STAT4: variants seen among roughly 807,000 people sequenced by gnomAD.
The protein encoded by STAT4 is signal transducer and activator of transcription 4.
A neutral mutation model predicts 110.5 loss-of-function variants in STAT4; 42 were observed. That is an observed-to-expected ratio of 0.38 (90% confidence interval 0.30 to 0.49). The LOEUF (loss-of-function observed/expected upper bound fraction) is 0.49. Ranked by LOEUF, STAT4 falls within the 20% of genes least tolerant of loss-of-function variation. STAT4 has a pLI of 0.95. For synonymous variants in STAT4, 284 were observed against 302.2 expected (o/e 0.94, Z 0.63); for missense variants, 632 against 887.9 (o/e 0.71, Z 3.66).
rs558848361 is a variant in STAT4, at chr2:191,116,615, C to T, written c.273+29998G>A. Among the ~76,000 whole-genome samples, 3 of 152,222 alleles carry T rather than the reference C, an allele frequency of 2.0e-5. No homozygotes were observed. Among genetic ancestry groups the T allele is most frequent in the South Asian group, 2.1e-4 (1 of 4,818 alleles). On this transcript the variant is annotated intron_variant, in intron 3 of 23. Transcript: ENST00000392320. The surrounding 1 kb of genome is among the most constrained non-coding windows in gnomAD (Gnocchi z 4.1). ...AACAGTCCATCCCACTTAACTTTCT[C>T]GGTTAAAGCAGGACACCACTGAAGG...
chr2:191,108,063 G>T (rs13006509), intron 3 of STAT4, among the ~76,000 whole-genome samples: 67,855 of 151,654 alleles, frequency 0.45, 18,546 homozygotes, highest in Non-Finnish European at 0.59. Context: ...GGCCTAGGCA[G>T]GTGGATCACC....
At chr2:191,056,120 A>G (rs1325615566) in intron 13 of STAT4, among the ~76,000 whole-genome samples, 2 of 152,258 alleles carry the variant, frequency 1.3e-5, no homozygotes, top group Non-Finnish European at 2.9e-5. Flanking sequence ...TTTATCTTTT[A>G]GAAACATTTT....
rs746663096 is a variant in STAT4, at chr2:191,076,352, T to C, written c.274-27A>G. The stretch of plus-strand genomic sequence containing the variant: ...TGAAAAAAAAAACAATGAGCAAAAA[T>C]AACTAACGTAAAGCTTAAATATATG... On this transcript the variant is annotated intron_variant, in intron 3 of 23. Transcript: ENST00000392320. The C allele has an allele frequency of 2.6e-6, 4 of 1,527,838 alleles. No individual in the cohort carries two copies. The South Asian group carries it at 3.5e-5, about 13-fold the overall frequency. The allele number at this position is 1,527,838 out of a possible 1,614,324, so 94.6% of individuals were successfully genotyped here. A position where few individuals can be genotyped will look rare whatever the true frequency, so the allele number is the denominator to read the frequency against.
At position 191,073,063 on chromosome 2, in the gene STAT4, C is replaced by G; in HGVS notation, c.465+35G>C. 4 of 1,583,334 alleles carry G rather than the reference C, an allele frequency of 2.5e-6. No individual in the cohort carries two copies. The East Asian group carries it at 9.0e-5, about 35-fold the overall frequency. ...GTGCATAGTTATATGGGGACAGTATCTAGACTTTCTAGGTATCTGTATAAA... is the reference window on the plus strand; with the variant it reads ...GTGCATAGTTATATGGGGACAGTATGTAGACTTTCTAGGTATCTGTATAAA... On this transcript the variant is annotated intron_variant, in intron 5 of 23. Coordinates refer to ENST00000392320, the MANE Select transcript of STAT4 (RefSeq NM_003151.4).
chr2:191,090,661 T>G lies in STAT4; in HGVS notation c.274-14336A>C, dbSNP rs1697769819. Among the ~76,000 whole-genome samples, 1 of 152,042 alleles carries G rather than the reference T, an allele frequency of 6.6e-6. No homozygotes were observed. Among genetic ancestry groups the G allele is most frequent in the Admixed American group, 6.6e-5 (1 of 15,258 alleles). On this transcript the variant is annotated intron_variant, in intron 3 of 23. Transcript: ENST00000392320. This position sits in a 1 kb window ranked among gnomAD's most constrained non-coding sequence, Gnocchi z 4.2. ...CTGCAACCTCTGCCTCCTGAGTTCATGCCATTCTCCTGCCTCAGCCTCCCG... is the reference window on the plus strand; with the variant it reads ...CTGCAACCTCTGCCTCCTGAGTTCAGGCCATTCTCCTGCCTCAGCCTCCCG...
In STAT4 at chr2:191,146,852, T is replaced by C; in HGVS notation, c.129-95A>G. On this transcript the variant is annotated intron_variant, in intron 2 of 23. Coordinates refer to ENST00000392320, the MANE Select transcript of STAT4 (RefSeq NM_003151.4). This position sits in a 1 kb window ranked among gnomAD's most constrained non-coding sequence, Gnocchi z 4.5. ...ACTTTAAAACAATAAACCTATTACATGGTGATAAGCATTTAAAAGTTTTAA... is the reference window on the plus strand; with the variant it reads ...ACTTTAAAACAATAAACCTATTACACGGTGATAAGCATTTAAAAGTTTTAA... The C allele has an allele frequency of 8.3e-7, 1 of 1,211,362 alleles. No individual in the cohort carries two copies. Among genetic ancestry groups the C allele is most frequent in the Non-Finnish European group, 1.1e-6 (1 of 918,812 alleles). The allele number at this position is 1,211,362 out of a possible 1,614,324, so 75.0% of individuals were successfully genotyped here.
At position 191,046,283 on chromosome 2, in the gene STAT4, T is replaced by G. The variant is rs1310048402; in HGVS notation, c.1252-5135A>C. On this transcript the variant is annotated intron_variant, in intron 14 of 23. Coordinates refer to ENST00000392320, the MANE Select transcript of STAT4 (RefSeq NM_003151.4). The surrounding 1 kb of genome is among the most constrained non-coding windows in gnomAD (Gnocchi z 4.6). ...CTAGCCTCCTGCCTTGACATATCCT[T>G]CACATAACCGAATTGGCCAGGTTTT... Among the ~76,000 whole-genome samples, 1 of 152,218 alleles carries G rather than the reference T, an allele frequency of 6.6e-6. No individual in the cohort carries two copies. Among genetic ancestry groups the G allele is most frequent in the Non-Finnish European group, 1.5e-5 (1 of 68,042 alleles).
chr2:191,043,535 T>C lies in STAT4; in HGVS notation c.1252-2387A>G, dbSNP rs1421900723. Among the ~76,000 whole-genome samples, 1 of 152,192 alleles carries C rather than the reference T, an allele frequency of 6.6e-6. No individual in the cohort carries two copies. The highest frequency in any genetic ancestry group is 2.4e-5 in the African/African-American group (1 of 41,460). On this transcript the variant is annotated intron_variant, in intron 14 of 23. Transcript: ENST00000392320. The surrounding 1 kb of genome is among the most constrained non-coding windows in gnomAD (Gnocchi z 4.8). ...AGAAAAGTAGAAGATGCACATTACC[T>C]ATACGTAACAATTCTTGTTGAATCA...
At chr2:191,095,656 A>G (rs886572714) in intron 3 of STAT4, among the ~76,000 whole-genome samples, 18 of 152,228 alleles carry the variant, frequency 1.2e-4, no homozygotes, top group Non-Finnish European at 2.5e-4. Context: ...TCACAAGATA[A>G]AGCAGGAAAG....
chr2:191,110,175 C>G lies in STAT4; in HGVS notation c.274-33850G>C, dbSNP rs570908619. Among the ~76,000 whole-genome samples the G allele has an allele frequency of 2.0e-5, 3 of 152,152 alleles. No individual in the cohort carries two copies. The highest frequency in any genetic ancestry group is 4.4e-5 in the Non-Finnish European group (3 of 68,032). ...ATGGAAACATGACCACAAAACCATTCCTCAGTCTGCACAAACATAGATTTG... is the reference window on the plus strand; with the variant it reads ...ATGGAAACATGACCACAAAACCATTGCTCAGTCTGCACAAACATAGATTTG... On this transcript the variant is annotated intron_variant, in intron 3 of 23. Transcript: ENST00000392320. This position sits in a 1 kb window ranked among gnomAD's most constrained non-coding sequence, Gnocchi z 4.5.
rs532280368 is a variant in STAT4 at position 191,142,216 on chromosome 2, G to T, written c.273+4397C>A. Among the ~76,000 whole-genome samples the T allele has an allele frequency of 6.6e-6, 1 of 151,422 alleles. No homozygotes were observed. Among genetic ancestry groups the T allele is most frequent in the African/African-American group, 2.4e-5 (1 of 41,136 alleles). ...ATGGATAAAGAAAATAAAGAAAATA[G>T]ATATATATATATACACACACACACA... On this transcript the variant is annotated intron_variant, in intron 3 of 23. Transcript: ENST00000392320. The surrounding 1 kb of genome is among the most constrained non-coding windows in gnomAD (Gnocchi z 4.1).
chr2:191,125,778 C>T (rs180739408), intron 3 of STAT4, among the ~76,000 whole-genome samples: 7 of 152,078 alleles, frequency 4.6e-5, no homozygotes, highest in Admixed American at 1.3e-4. Flanking sequence ...GTCACCATGC[C>T]GGGCCTGGAT....
chr2:191,078,633 T>A (rs2125275165), intron 3 of STAT4, among the ~76,000 whole-genome samples: 1 of 152,168 alleles, frequency 6.6e-6, no homozygotes, highest in South Asian at 2.1e-4. Context: ...TACGTGAACC[T>A]CAAAATAACA....
At chr2:191,122,528 A>T (rs1367114493) in intron 3 of STAT4, among the ~76,000 whole-genome samples, 1 of 152,202 alleles carries the variant, frequency 6.6e-6, no homozygotes, top group Non-Finnish European at 1.5e-5. Context: ...ATGAGTGCTT[A>T]TGCCTACTAC....
chr2:191,125,208 C>T (rs1399614459), intron 3 of STAT4, among the ~76,000 whole-genome samples: 1 of 152,090 alleles, frequency 6.6e-6, no homozygotes, highest in East Asian at 1.9e-4. Flanking sequence ...TCTTCCCATT[C>T]CCGTATCTTT....
chr2:191,119,576 A>G (rs1698664049), intron 3 of STAT4, among the ~76,000 whole-genome samples: 1 of 152,216 alleles, frequency 6.6e-6, no homozygotes, highest in Non-Finnish European at 1.5e-5. Flanking sequence ...GGAAGATTCA[A>G]AATTATTAAG....
chr2:191,141,576 T>TACACAC, intron 3 of STAT4, among the ~76,000 whole-genome samples: 3 of 137,054 alleles, frequency 2.2e-5, no homozygotes, highest in African/African-American at 8.0e-5. Flanking sequence ...ATATGATATA[T>TACACAC]ATACATATAC....
chr2:191,131,613 C>T (rs922947060), intron 3 of STAT4: 14 of 487,662 alleles, frequency 2.9e-5, no homozygotes, highest in South Asian at 1.1e-4. Flanking sequence ...TTGCTCCAGG[C>T]GGAAAGAGAG....
chr2:191,035,693 T>A lies in STAT4; in HGVS notation c.1570+471A>T, dbSNP rs528887270. 3.0e-4 allele frequency among the ~76,000 whole-genome samples: 46 copies of A among 152,378 alleles called. No homozygotes were observed. Among genetic ancestry groups the A allele is most frequent in the Non-Finnish European group, 5.1e-4 (35 of 68,042 alleles). ...TTGCCCAGGTAGTTTAAAACTTCTA[T>A]TACATTTCCTAGACCTAGTGAAGAA... is the stretch of plus-strand genomic sequence containing the variant. On this transcript the variant is annotated intron_variant, in intron 17 of 23. Coordinates refer to ENST00000392320, the MANE Select transcript of STAT4 (RefSeq NM_003151.4). This position sits in a 1 kb window ranked among gnomAD's most constrained non-coding sequence, Gnocchi z 4.7.
Sources: gnomAD v4.1 joint callset for allele counts (sites outside exome capture counted in the v4.1 genomes callset) on GRCh38, gnomAD v4.1.1 for gene constraint, Gnocchi (gnomAD v3.1) non-coding constraint, MANE v1.5 for transcripts, NCBI Gene and HGNC (gene_info 2026-07-23, HGNC 2026-07-21) for gene names.